Variants in MGST1 observed in about 807,000 individuals in gnomAD.
The protein encoded by MGST1 is microsomal glutathione S-transferase 1.
MGST1 carries 5 observed loss-of-function variants against 8.9 expected under a neutral mutation model. That is an observed-to-expected ratio of 0.56 (90% CI 0.29 to 1.19). The LOEUF (loss-of-function observed/expected upper bound fraction) is 1.19. Among genes scored for constraint, MGST1 ranks in the 50% most tolerant of loss-of-function variants. The pLI is 0.08. For synonymous variants in MGST1, 54 were observed against 67.8 expected (o/e 0.80, Z 1.00); for missense variants, 182 against 187.4 (o/e 0.97, Z 0.17).
intron 4 of MGST1, among the ~76,000 whole-genome samples, chr12:16,524,553 A>G (rs1941670098): frequency 6.6e-6 from 1 of 152,096 alleles, no homozygotes; most frequent in Admixed American, 6.6e-5. Context: ...CATCAAGTCC[A>G]AGTCCAGTCA....
Position 16,347,802 on chromosome 12 carries a change from C to G in MGST1, c.-23+92C>G, listed in dbSNP as rs1939269038. ...TGGCAGATGGAAGACTTGGGGGGGT[C>G]TCTGCCAGCTGGAAGTGCTTGGCTC... On this transcript the variant is annotated intron_variant, in intron 1 of 3. Coordinates refer to ENST00000396210, the MANE Select transcript of MGST1 (RefSeq NM_020300.5). This position sits in a 1 kb window ranked among gnomAD's most constrained non-coding sequence, Gnocchi z 4.0. The G allele has an allele frequency of 6.6e-6, 1 of 152,304 alleles. No individual in the cohort carries two copies. The highest frequency in any genetic ancestry group is 1.5e-5 in the Non-Finnish European group (1 of 68,108). 9.4% of individuals were successfully genotyped at this position (152,304 alleles called of 1,614,324 possible).
chr12:16,441,198 G>A (rs1398712892), downstream of MGST1, among the ~76,000 whole-genome samples: 1 of 151,662 alleles, frequency 6.6e-6, no homozygotes, highest in Non-Finnish European at 1.5e-5. Flanking sequence ...AGCAGTTTTA[G>A]ATTCATGGCA....
At chr12:16,443,642 G>C (rs1941056040), downstream of MGST1, among the ~76,000 whole-genome samples, 1 of 151,694 alleles carries the variant, frequency 6.6e-6, no homozygotes, top group Non-Finnish European at 1.5e-5. Flanking sequence ...CATTTTGTTT[G>C]TTGTCCATTT....
In MGST1 at chr12:16,363,084, C is replaced by G. The variant is rs1940071759; in HGVS notation, c.222-711C>G. ...ACATGCTTTTTGTTTTCTTCTAGCT[C>G]TGTTATAAAGAAAACATTTAGGAAA... On this transcript the variant is annotated intron_variant, in intron 3 of 3. Coordinates refer to ENST00000396210, the MANE Select transcript of MGST1 (RefSeq NM_020300.5). The surrounding 1 kb of genome is among the most constrained non-coding windows in gnomAD (Gnocchi z 4.6). 6.6e-6 allele frequency: 1 copy of G among 152,192 alleles called. No homozygotes were observed. The highest frequency in any genetic ancestry group is 1.5e-5 in the Non-Finnish European group (1 of 68,034). 9.4% of individuals were successfully genotyped at this position (152,192 alleles called of 1,614,324 possible).
At chr12:16,348,963 C>T (rs916740935) in intron 1 of MGST1, 5 of 152,054 alleles carry the variant, frequency 3.3e-5, no homozygotes, top group African/African-American at 1.2e-4. Flanking sequence ...CTTACCCCAC[C>T]ACTCTCCCGA....
At chr12:16,526,723 G>A (rs540426561) in intron 4 of MGST1, among the ~76,000 whole-genome samples, 7 of 152,012 alleles carry the variant, frequency 4.6e-5, no homozygotes, top group Admixed American at 2.0e-4. Flanking sequence ...TGGGATTTAC[G>A]TCTGAAAGAG....
chr12:16,348,835 A>G (rs534322921), intron 1 of MGST1: 1 of 151,198 alleles, frequency 6.6e-6, no homozygotes, highest in East Asian at 1.9e-4. Context: ...AAATCAGTCC[A>G]AATTTGGATA....
chr12:16,486,199 T>C (rs1166369839), intron 4 of MGST1, among the ~76,000 whole-genome samples: 1 of 152,192 alleles, frequency 6.6e-6, no homozygotes, highest in Non-Finnish European at 1.5e-5. Flanking sequence ...AATTTTTCCA[T>C]TGGATAGATC....
Position 16,358,007 on chromosome 12 carries a change from G to A in MGST1, c.221+308G>A, listed in dbSNP as rs141327972. On this transcript the variant is annotated intron_variant, in intron 3 of 3. Coordinates refer to ENST00000396210, the MANE Select transcript of MGST1 (RefSeq NM_020300.5). ...AACAGTAGATTCTTGGAGTTTTATC[G>A]TCTTTGTCCATAGGTGAGACTGTCA... is the stretch of plus-strand genomic sequence containing the variant. Among the ~76,000 whole-genome samples the A allele has an allele frequency of 8.0e-4, 122 of 152,262 alleles. 1 individual carries two copies. In the East Asian group the frequency reaches 0.018, roughly 22 times the overall value.
chr12:16,357,814 ACTC>A (rs1273621270), intron 3 of MGST1, 115 bp downstream of exon 3: 2 of 687,846 alleles, frequency 2.9e-6, no homozygotes. Context: ...CCTCTTACCT[ACTC>A]CACATGACAA....
chr12:16,545,395 C>A (rs1445112003), intron 4 of MGST1, among the ~76,000 whole-genome samples: 1 of 152,058 alleles, frequency 6.6e-6, no homozygotes, highest in Non-Finnish European at 1.5e-5. Context: ...TGCTGCTACA[C>A]ACAGGGTGGG....
chr12:16,463,235 G>A (rs1941232777), intron 4 of MGST1, among the ~76,000 whole-genome samples: 1 of 152,046 alleles, frequency 6.6e-6, no homozygotes, highest in Non-Finnish European at 1.5e-5. Flanking sequence ...CTAGAGTGCA[G>A]TGGTGCTATC....
chr12:16,409,825 T>G (rs1235709375), intron 1 of MGST1, among the ~76,000 whole-genome samples: 1 of 152,168 alleles, frequency 6.6e-6, no homozygotes, highest in Non-Finnish European at 1.5e-5. Context: ...TAGCACCCTT[T>G]GCTTGCACCA....
At chr12:16,536,391 G>C (rs1317857795) in intron 4 of MGST1, among the ~76,000 whole-genome samples, 1 of 152,086 alleles carries the variant, frequency 6.6e-6, no homozygotes, top group Non-Finnish European at 1.5e-5. Flanking sequence ...CTATCTAACT[G>C]TAGCCCCAGT....
chr12:16,423,984 A>G (rs1940864230), intron 1 of MGST1, among the ~76,000 whole-genome samples: 4 of 152,048 alleles, frequency 2.6e-5, no homozygotes, highest in Admixed American at 2.0e-4. Context: ...TATTTCCTTT[A>G]TTTATAGCAC....
At chr12:16,383,266 TC>T (rs1273711585) in exon 1 of MGST1, 1 of 152,676 alleles carries the variant, frequency 6.5e-6, no homozygotes, top group Non-Finnish European at 1.5e-5. Flanking sequence ...CCGGAGCTGT[TC>T]CTATTCGGCC....
chr12:16,564,181 C>T (rs1942506954), intron 4 of MGST1, among the ~76,000 whole-genome samples: 1 of 152,132 alleles, frequency 6.6e-6, no homozygotes. Context: ...AAAAATCAAA[C>T]AGACAACTTT....
intron 1 of MGST1, chr12:16,399,976 T>G: frequency 7.2e-7 from 1 of 1,394,062 alleles, no homozygotes; most frequent in East Asian, 2.3e-5. Context: ...ACTAGTGGGC[T>G]GAAGGAGGCA....
At chr12:16,575,674 G>A (rs1157720033) in intron 4 of MGST1, among the ~76,000 whole-genome samples, 3 of 152,072 alleles carry the variant, frequency 2.0e-5, no homozygotes, top group Admixed American at 6.6e-5. Flanking sequence ...TAGGAGAGCT[G>A]GACTCCACAC....
Sources: allele counts gnomAD v4.1 joint callset (sites outside exome capture counted in the v4.1 genomes callset), GRCh38; gene constraint gnomAD v4.1.1; non-coding constraint Gnocchi (gnomAD v3.1); transcripts MANE v1.5; gene names NCBI Gene and HGNC (gene_info 2026-07-23, HGNC 2026-07-21).